The following PATJ variants were observed in gnomAD, a reference collection of about 807,000 sequenced individuals.
PATJ encodes the protein inaD-like protein.
A neutral mutation model predicts 224.9 loss-of-function variants in PATJ; 190 were observed. The ratio of observed to expected loss-of-function variants is 0.84; its 90% confidence interval spans 0.75 to 0.95. PATJ has a LOEUF of 0.95. Ranked by LOEUF, PATJ falls within the 40% of genes least tolerant of loss-of-function variation. The probability of loss-of-function intolerance (pLI) is 0.00; values close to 1 mark genes in which losing one functional copy is unlikely to be tolerated. For missense variants in PATJ, 2,121 were observed against 2,270.3 expected (o/e 0.93, Z 1.34); for synonymous variants, 769 against 820.3 (o/e 0.94, Z 1.07).
At chr1:62,053,726 A>C (rs920112304) in intron 31 of PATJ, among the ~76,000 whole-genome samples, 1 of 152,186 alleles carries the variant, frequency 6.6e-6, no homozygotes, top group Non-Finnish European at 1.5e-5. Flanking sequence ...TCTAAAAAAA[A>C]AAAAGTGTCT....
At position 61,884,267 on chromosome 1, in the gene PATJ, G is replaced by C. The variant is rs1441820417; in HGVS notation, c.2990G>C (p.Ser997Thr). 1.2e-6 allele frequency: 2 copies of C among 1,613,002 alleles called. No individual in the cohort carries two copies. Among genetic ancestry groups the C allele is most frequent in the African/African-American group, 1.3e-5 (1 of 74,862 alleles). Residue 997 changes from serine to threonine, a missense_variant, in exon 22 of 44, where the codon AGC becomes ACC. Physicochemically the swap from Ser to Thr is moderately conservative, Grantham distance 58 (BLOSUM62 1). Transcript: ENST00000642238. ...ATCCCGAATGATGTCCAAGGTCCTAGCTTGCTCATTGACCTTCCTGTTGTG... is the reference window on the plus strand; with the variant it reads ...ATCCCGAATGATGTCCAAGGTCCTACCTTGCTCATTGACCTTCCTGTTGTG... ...GMIPNDVQGP[S>T]LLIDLPVVAQ...
At chr1:61,781,107 G>A (rs1048241096) in intron 7 of PATJ, among the ~76,000 whole-genome samples, 2 of 152,196 alleles carry the variant, frequency 1.3e-5, no homozygotes, top group African/African-American at 4.8e-5. Flanking sequence ...GCAGCTAGGT[G>A]AGCCACAAAG....
Position 61,801,603 on chromosome 1 carries a change from A to T in PATJ, c.1403-20A>T. ...GTTAGCATTAACAAAATTTTAAAAA[A>T]TTATTTTTTTTTGTTTTAGGAACTG... On this transcript the variant is annotated intron_variant, in intron 11 of 43. Transcript: ENST00000642238. 2 of 1,437,294 alleles carry T rather than the reference A, an allele frequency of 1.4e-6. No individual in the cohort carries two copies. Among genetic ancestry groups the T allele is most frequent in the Non-Finnish European group, 1.8e-6 (2 of 1,083,902 alleles). 89.0% of individuals were successfully genotyped at this position (1,437,294 alleles called of 1,614,324 possible). A position where few individuals can be genotyped will look rare whatever the true frequency, so the allele number is the denominator to read the frequency against.
At chr1:61,787,290 T>C (rs928321471) in intron 7 of PATJ, among the ~76,000 whole-genome samples, 4 of 152,220 alleles carry the variant, frequency 2.6e-5, no homozygotes, top group Non-Finnish European at 5.9e-5. Flanking sequence ...CTCTCCCATC[T>C]CTTAGACTAC....
chr1:61,842,461 G>A (rs1022472089), intron 17 of PATJ, among the ~76,000 whole-genome samples: 5 of 152,274 alleles, frequency 3.3e-5, no homozygotes, highest in East Asian at 1.9e-4. Context: ...CTTTTAACAC[G>A]TGTTTATCCA....
intron 35 of PATJ, chr1:62,114,643 A>G (rs1171192873): frequency 5.8e-6 from 1 of 171,920 alleles, no homozygotes; most frequent in East Asian, 1.8e-4. Flanking sequence ...AACATGGAAC[A>G]TTGCTTTTCG....
At chr1:62,083,768 C>T (rs115000716) in intron 32 of PATJ, among the ~76,000 whole-genome samples, 1,663 of 152,216 alleles carry the variant, frequency 0.011, 12 homozygotes, top group Middle Eastern at 0.031. Flanking sequence ...ATTCTTTATA[C>T]ATCTTAATAA....
At chr1:61,911,992 T>C in intron 25 of PATJ, among the ~76,000 whole-genome samples, 1 of 149,240 alleles carries the variant, frequency 6.7e-6, no homozygotes, top group Non-Finnish European at 1.5e-5. Flanking sequence ...AAACTTTATT[T>C]TCATTCTATA....
At position 62,108,235 on chromosome 1, in the gene PATJ, G is replaced by T. The variant is rs79189987; in HGVS notation, c.4378-202G>T. 5.7e-3 allele frequency among the ~76,000 whole-genome samples: 871 copies of T among 152,276 alleles called. 11 individuals are homozygous for T. The highest frequency in any genetic ancestry group is 0.02 in the African/African-American group (826 of 41,558). ...TAACATGAAGTATTAGGCAGAGCCA[G>T]TTTTAAAGGAATGAAATAATAATCT... is the stretch of plus-strand genomic sequence containing the variant. On this transcript the variant is annotated intron_variant, in intron 33 of 43. Transcript: ENST00000642238.
chr1:62,135,643 A>AGGCT (rs1558218567), intron 41 of PATJ, among the ~76,000 whole-genome samples: 1 of 152,128 alleles, frequency 6.6e-6, no homozygotes, highest in East Asian at 1.9e-4. Flanking sequence ...TAGGAGAGGT[A>AGGCT]GGCTGTAGTG....
intron 4 of PATJ, among the ~76,000 whole-genome samples, chr1:61,767,351 T>C (rs1259362232): frequency 6.6e-6 from 1 of 151,864 alleles, no homozygotes; most frequent in Non-Finnish European, 1.5e-5. Context: ...CTGGGCAATG[T>C]AGGGAGACCC....
intron 14 of PATJ, among the ~76,000 whole-genome samples, chr1:61,815,189 A>G (rs1019192741): frequency 2.6e-5 from 4 of 152,204 alleles, no homozygotes; most frequent in African/African-American, 9.7e-5. Context: ...TGTGGAAAAG[A>G]GAAGCAGCAA....
At chr1:61,972,911 T>C (rs1450947402) in intron 27 of PATJ, among the ~76,000 whole-genome samples, 4 of 151,894 alleles carry the variant, frequency 2.6e-5, no homozygotes, top group Admixed American at 2.0e-4. Context: ...GCTTGTATAC[T>C]TTTTTTTCTG....
intron 22 of PATJ, among the ~76,000 whole-genome samples, chr1:61,898,295 T>C (rs937523089): frequency 6.6e-6 from 1 of 152,104 alleles, no homozygotes; most frequent in Non-Finnish European, 1.5e-5. Flanking sequence ...GGCTGGAGAA[T>C]AGTGGTGTGA....
intron 25 of PATJ, among the ~76,000 whole-genome samples, chr1:61,913,807 TG>T (rs1673038678): frequency 6.6e-6 from 1 of 152,176 alleles, no homozygotes; most frequent in Non-Finnish European, 1.5e-5. Flanking sequence ...ATGCTTGAAC[TG>T]GGGGTACAAT....
chr1:62,149,608 TAA>T (rs58909236), intron 42 of PATJ, among the ~76,000 whole-genome samples: 76 of 145,812 alleles, frequency 5.2e-4, no homozygotes, highest in East Asian at 1.2e-3. Flanking sequence ...GCCTTTTCCT[TAA>T]AAAAAAAAAA....
Position 62,051,022 on chromosome 1 carries a change from T to C in PATJ, c.4089T>C (p.Gly1363=). ...SSEEDGSVEV[G]IKQLPESESF... ...AGGAAGATGGCAGCGTCGAAGTTGG[T>C]ATTAAACAATTGCCTGAAAGTGAAA... The change falls in exon 31 of 44, where the codon GGT becomes GGC. Residue 1363 remains glycine, a synonymous_variant. Transcript: ENST00000642238. The C allele has an allele frequency of 6.2e-7, 1 of 1,613,888 alleles. No homozygotes were observed. Among genetic ancestry groups the C allele is most frequent in the Non-Finnish European group, 8.5e-7 (1 of 1,179,792 alleles).
intron 41 of PATJ, among the ~76,000 whole-genome samples, chr1:62,129,668 C>T (rs1240342560): frequency 4.6e-5 from 7 of 152,196 alleles, no homozygotes; most frequent in African/African-American, 1.2e-4. Flanking sequence ...TGGCTAGGCG[C>T]GGTGGCCCAC....
chr1:61,871,082 T>G (rs1032292720), intron 20 of PATJ, among the ~76,000 whole-genome samples: 8 of 149,426 alleles, frequency 5.4e-5, no homozygotes, highest in South Asian at 2.1e-4. Context: ...TTTTTTTGTT[T>G]TTTTTTTTTT....
Sources: gnomAD v4.1 joint callset for allele counts (sites outside exome capture counted in the v4.1 genomes callset) on GRCh38, gnomAD v4.1.1 for gene constraint, MANE v1.5 for transcripts, NCBI Gene and HGNC (gene_info 2026-07-23, HGNC 2026-07-21) for gene names.